The following MYOM3 variants were observed in gnomAD, a reference collection of about 807,000 sequenced individuals.
The protein encoded by MYOM3 is myomesin-3.
A neutral mutation model predicts 191.7 loss-of-function variants in MYOM3; 155 were observed. That is an observed-to-expected ratio of 0.81 (90% CI 0.71 to 0.92). The LOEUF (loss-of-function observed/expected upper bound fraction) is 0.92. Ranked by LOEUF, MYOM3 falls within the 40% of genes least tolerant of loss-of-function variation. The pLI is 0.00. For synonymous variants in MYOM3, 757 were observed against 762.9 expected (o/e 0.99, Z 0.13); for missense variants, 1,889 against 1,890.6 (o/e 1.00, Z 0.02).
intron 29 of MYOM3, among the ~76,000 whole-genome samples, chr1:24,064,691 G>C (rs11249085): frequency 0.047 from 7,148 of 152,310 alleles, 583 homozygotes; most frequent in African/African-American, 0.16. Context: ...GTGCTTTCAA[G>C]GCAAGGTCCA....
Position 24,090,630 on chromosome 1 carries a change from A to G in MYOM3, c.1432+167T>C, listed in dbSNP as rs544834054. Among the ~76,000 whole-genome samples the G allele has an allele frequency of 2.6e-5, 4 of 152,114 alleles. No homozygotes were observed. The East Asian group carries it at 7.8e-4, about 30-fold the overall frequency. ...TCCTCCATCAGACTGGAAGTTCTCG[A>G]GGGCTGGCCTTTGTCTCCTTCATCA... On this transcript the variant is annotated intron_variant, in intron 12 of 36. Transcript: ENST00000374434.
At chr1:24,106,104 C>T (rs765608984) in intron 4 of MYOM3, 27 bp from the exon 5 acceptor site, 6 of 1,577,850 alleles carry the variant, frequency 3.8e-6, no homozygotes, top group Non-Finnish European at 5.2e-6. Context: ...GTGTATGACG[C>T]TGTGAGCCAG....
intron 9 of MYOM3, 125 bp downstream of exon 9, chr1:24,094,728 A>G: frequency 1.1e-6 from 1 of 948,062 alleles, no homozygotes. Context: ...CTGCCTCTTC[A>G]GCACTTTAGC....
rs746968761 is a variant in MYOM3, at chr1:24,082,698, G to C, written c.1987C>G (p.Leu663Val). The C allele has an allele frequency of 4.2e-5, 68 of 1,608,892 alleles. No homozygotes were observed. The Admixed American group carries it at 5.6e-4, about 13-fold the overall frequency. Residue 663 changes from leucine (L) to valine (V), a missense_variant, in exon 17 of 37, where the codon CTG (leucine) becomes GTG (valine). Transcript: ENST00000374434. ...IQGTRFTVPGLRTGKEYEFCV... is the reference protein window; with the variant it reads ...IQGTRFTVPGVRTGKEYEFCV... ...AACTCGTACTCCTTCCCCGTCCTCA[G>C]CCCGGGAACTGTAAACCTGGGAGAG...
chr1:24,066,381 TTCA>T (rs1643434605), intron 28 of MYOM3: 3 of 623,126 alleles, frequency 4.8e-6, no homozygotes, highest in Non-Finnish European at 8.5e-6. Flanking sequence ...CAGAGACCAC[TTCA>T]TCATCTTTGT....
intron 14 of MYOM3, among the ~76,000 whole-genome samples, chr1:24,088,794 A>T (rs1643777417): frequency 6.6e-6 from 1 of 152,206 alleles, no homozygotes; most frequent in Admixed American, 6.5e-5. Context: ...GATAGTCAAG[A>T]ACACCTCCTT....
In MYOM3 at chr1:24,068,289, A is replaced by T. The variant is rs772667806; in HGVS notation, c.3229T>A (p.Ser1077Thr). ...IQNLSEEDKG[S>T]YTAQLQDGKA... The stretch of plus-strand genomic sequence containing the variant: ...CCATCTTGGAGTTGAGCGGTGTACG[A>T]CCCTTTGTCCTCCTCAGACAAGTTC... Residue 1077 changes from serine (S) to threonine (T), a missense_variant, in exon 26 of 37, where the codon TCG becomes ACG. Transcript: ENST00000374434. 6.2e-7 allele frequency: 1 copy of T among 1,613,810 alleles called. No individual in the cohort carries two copies. The highest frequency in any genetic ancestry group is 1.1e-5 in the South Asian group (1 of 91,030).
At chr1:24,064,294 G>A (rs985755663) in intron 29 of MYOM3, 135 bp from the exon 30 acceptor site, 6 of 628,236 alleles carry the variant, frequency 9.6e-6, no homozygotes, top group East Asian at 2.9e-5. Context: ...TCTCCTCCCT[G>A]GGCCTCCATT....
At chr1:24,085,182 A>T (rs1376529569) in intron 15 of MYOM3, among the ~76,000 whole-genome samples, 19 of 149,930 alleles carry the variant, frequency 1.3e-4, no homozygotes, top group Admixed American at 1.3e-3. Context: ...GGATGAATAA[A>T]TGGATGGATG....
intron 25 of MYOM3, 131 bp downstream of exon 25, chr1:24,070,986 A>AC: frequency 8.3e-7 from 1 of 1,211,354 alleles, no homozygotes; most frequent in Non-Finnish European, 1.2e-6. Context: ...CATCACTGCA[A>AC]CAGCAAAAGC....
chr1:24,080,881 AG>A lies in MYOM3; in HGVS notation c.2407+448del, dbSNP rs1643660442. On this transcript the variant is annotated intron_variant, in intron 19 of 36. Coordinates refer to ENST00000374434, the MANE Select transcript of MYOM3 (RefSeq NM_152372.4). Reference sequence around the variant, plus strand: ...GTGGGAGGTGAGGGGCTCATTTGTGAGAAGACTTACTGGGTTATGGGAGCAG... The same window carrying A: ...GTGGGAGGTGAGGGGCTCATTTGTGAAAGACTTACTGGGTTATGGGAGCAG... Among the ~76,000 whole-genome samples the A allele has an allele frequency of 2.6e-5, 4 of 152,258 alleles. No homozygotes were observed. The South Asian group carries it at 8.3e-4, about 32-fold the overall frequency.
At chr1:24,092,151 T>C in intron 11 of MYOM3, 23 bp downstream of exon 11, 1 of 1,440,214 alleles carries the variant, frequency 6.9e-7, no homozygotes, top group South Asian at 1.5e-5. Flanking sequence ...CTAGGGCCTC[T>C]GCCACTCACG....
At chr1:24,084,714 A>C (rs1294870788) in intron 15 of MYOM3, 75 bp from the exon 16 acceptor site, 43 of 1,391,096 alleles carry the variant, frequency 3.1e-5, no homozygotes, top group South Asian at 2.7e-4. Flanking sequence ...GGGGAGGAGC[A>C]TGGGGAGAGG....
rs1309461942 is a variant in MYOM3 at position 24,112,074 on chromosome 1, T to C, written c.-62A>G. ...TAGGAGTCTCTGGGGAGAAGATTCC[T>C]GAGGCCGAGAGGGTCCTTGTTCTCT... On this transcript the variant is annotated 5_prime_UTR_variant, in exon 1 of 37. Coordinates refer to ENST00000374434, the MANE Select transcript of MYOM3 (RefSeq NM_152372.4). 1 of 152,226 alleles carries C rather than the reference T, an allele frequency of 6.6e-6. No individual in the cohort carries two copies. The highest frequency in any genetic ancestry group is 1.5e-5 in the Non-Finnish European group (1 of 68,050). The allele number at this position is 152,226 out of a possible 1,614,324, so 9.4% of individuals were successfully genotyped here. A position where few individuals can be genotyped will look rare whatever the true frequency, so the allele number is the denominator to read the frequency against.
In MYOM3 at chr1:24,071,242, T is replaced by G. The variant is rs368792922; in HGVS notation, c.3025A>C (p.Ile1009Leu). ...HEIRNPVIKL[I>L]SGWNIDILER... Reference sequence around the variant, plus strand: ...AGGATGTCAATGTTCCAGCCGGAGATCAGTTTGATCACTGGGAGGCGCAGG... The same window carrying G: ...AGGATGTCAATGTTCCAGCCGGAGAGCAGTTTGATCACTGGGAGGCGCAGG... Residue 1009 changes from isoleucine to leucine, a missense_variant, in exon 25 of 37, where the codon ATC becomes CTC. Physicochemically the swap from Ile to Leu is conservative, Grantham distance 5. Transcript: ENST00000374434. The G allele has an allele frequency of 6.2e-7, 1 of 1,612,890 alleles. No homozygotes were observed. Among genetic ancestry groups the G allele is most frequent in the Non-Finnish European group, 8.5e-7 (1 of 1,179,552 alleles).
chr1:24,095,754 A>G lies in MYOM3; in HGVS notation c.746-268T>C, dbSNP rs372525916. 1.4e-3 allele frequency among the ~76,000 whole-genome samples: 218 copies of G among 152,200 alleles called. 2 individuals are homozygous for G. The highest frequency in any genetic ancestry group is 4.4e-3 in the African/African-American group (184 of 41,522). ...CTGACACATGGCAGGTTCTCAATAC[A>G]TGCTGGTTTCCTTTCCCTACCCAAA... is the stretch of plus-strand genomic sequence containing the variant. On this transcript the variant is annotated intron_variant, in intron 7 of 36. Coordinates refer to ENST00000374434, the MANE Select transcript of MYOM3 (RefSeq NM_152372.4).
intron 24 of MYOM3, 139 bp from the exon 25 acceptor site, chr1:24,071,392 G>C: frequency 2.0e-6 from 2 of 1,018,404 alleles, no homozygotes; most frequent in Non-Finnish European, 2.8e-6. Context: ...TACTGGGTGG[G>C]GCTCAGAGGA....
At chr1:24,097,397 A>G (rs1386134024) in intron 7 of MYOM3, among the ~76,000 whole-genome samples, 2 of 152,176 alleles carry the variant, frequency 1.3e-5, no homozygotes, top group Non-Finnish European at 2.9e-5. Context: ...TGGGGGCTAA[A>G]ATTCAGTCTG....
intron 27 of MYOM3, among the ~76,000 whole-genome samples, chr1:24,067,458 T>A (rs1643465033): frequency 7.0e-6 from 1 of 142,644 alleles, no homozygotes; most frequent in South Asian, 2.4e-4. Flanking sequence ...TTTCCTTCCT[T>A]CTTTCTTTCT....
Sources: allele counts gnomAD v4.1 joint callset (sites outside exome capture counted in the v4.1 genomes callset), GRCh38; gene constraint gnomAD v4.1.1; transcripts MANE v1.5; gene names NCBI Gene and HGNC (gene_info 2026-07-23, HGNC 2026-07-21).